VHL: variants seen among roughly 807,000 people sequenced by gnomAD.
The protein encoded by VHL is von Hippel-Lindau disease tumor suppressor.
Under a neutral mutation model 19.2 loss-of-function variants are expected in VHL, and 10 were observed. The ratio of observed to expected loss-of-function variants is 0.52; its 90% CI spans 0.32 to 0.89. The LOEUF (loss-of-function observed/expected upper bound fraction) is 0.89. VHL is among the 40% of genes least tolerant of loss of function. The pLI is 0.03. For missense variants in VHL, 328 were observed against 292.7 expected, an observed-to-expected ratio of 1.12 and a Z score of -0.88; for synonymous variants, 167 against 129.5, an observed-to-expected ratio of 1.29 and a Z score of -1.97.
chr3:10,153,354 G>A lies in VHL; in HGVS notation c.*3389G>A, dbSNP rs368247150. Reference sequence around the variant, plus strand: ...TGAGGCAGGCGAATCTCTTGAACCCGGGAGGCGGAGGTTGCAGTGAGCCAA... The same window carrying A: ...TGAGGCAGGCGAATCTCTTGAACCCAGGAGGCGGAGGTTGCAGTGAGCCAA... On this transcript the variant is annotated 3_prime_UTR_variant, in exon 3 of 3. Coordinates refer to ENST00000256474, the MANE Select transcript of VHL (RefSeq NM_000551.4). 7.3e-4 allele frequency among the ~76,000 whole-genome samples: 111 copies of A among 151,918 alleles called. 1 individual carries two copies. Among genetic ancestry groups the A allele is most frequent in the African/African-American group, 2.2e-3 (91 of 41,466 alleles).
At chr3:10,144,337 G>A (rs1696201269) in intron 1 of VHL, among the ~76,000 whole-genome samples, 1 of 151,634 alleles carries the variant, frequency 6.6e-6, no homozygotes, top group Non-Finnish European at 1.5e-5. Flanking sequence ...AAAATTAGCA[G>A]GGCACATTCC....
At position 10,149,935 on chromosome 3, in the gene VHL, G is replaced by C. The variant is rs747805018; in HGVS notation, c.612G>C (p.Glu204Asp). 6.2e-7 allele frequency: 1 copy of C among 1,614,138 alleles called. No homozygotes were observed. Among genetic ancestry groups the C allele is most frequent in the Non-Finnish European group, 8.5e-7 (1 of 1,180,014 alleles). Residue 204 changes from glutamate (E) to aspartate (D), a missense_variant, in exon 3 of 3, where the codon GAG becomes GAC. By Grantham distance (45) the Glu-to-Asp change is conservative. Transcript: ENST00000256474. ...VQKDLERLTQERIAHQRMGD is the reference protein window; with the variant it reads ...VQKDLERLTQDRIAHQRMGD Reference sequence around the variant, plus strand: ...AAGACCTGGAGCGGCTGACACAGGAGCGCATTGCACATCAACGGATGGGAG... The same window carrying C: ...AAGACCTGGAGCGGCTGACACAGGACCGCATTGCACATCAACGGATGGGAG...
chr3:10,149,718 A>C (rs1204344078), intron 2 of VHL, 69 bp from the exon 3 acceptor site: 12 of 1,390,978 alleles, frequency 8.6e-6, no homozygotes, highest in Non-Finnish European at 1.2e-5. Flanking sequence ...GTTGTTGGCA[A>C]AGCCTCTTGT....
intron 2 of VHL, among the ~76,000 whole-genome samples, chr3:10,147,664 CTGTTT>C (rs1696296034): frequency 6.6e-6 from 1 of 151,248 alleles, no homozygotes; most frequent in African/African-American, 2.4e-5. Context: ...TGCGTCCAGC[CTGTTT>C]TTTTTTTTTT....
rs199926195 is a variant in VHL, at chr3:10,149,936, C to T, written c.613C>T (p.Arg205Cys). The T allele has an allele frequency of 1.1e-5, 17 of 1,614,098 alleles. No individual in the cohort carries two copies. Among genetic ancestry groups the T allele is most frequent in the African/African-American group, 9.3e-5 (7 of 75,042 alleles). The change falls in exon 3 of 3, where the codon CGC becomes TGC. Residue 205 changes from arginine (R) to cysteine (C), a missense_variant. Arg to Cys is a radical substitution (Grantham distance 180, BLOSUM62 -3). Coordinates refer to ENST00000256474, the MANE Select transcript of VHL (RefSeq NM_000551.4). ...AGACCTGGAGCGGCTGACACAGGAGCGCATTGCACATCAACGGATGGGAGA... is the reference window on the plus strand; with the variant it reads ...AGACCTGGAGCGGCTGACACAGGAGTGCATTGCACATCAACGGATGGGAGA... ...QKDLERLTQE[R>C]IAHQRMGD
rs1696160690 is a variant in VHL at position 10,142,872 on chromosome 3, T to A, written c.340+685T>A. 1 of 152,442 alleles carries A rather than the reference T, an allele frequency of 6.6e-6. No individual in the cohort carries two copies. The highest frequency in any genetic ancestry group is 1.5e-5 in the Non-Finnish European group (1 of 68,272). The allele number at this position is 152,442 out of a possible 1,614,324, so 9.4% of individuals were successfully genotyped here. On this transcript the variant is annotated intron_variant, in intron 1 of 2. Transcript: ENST00000256474. The stretch of plus-strand genomic sequence containing the variant: ...AGACAGGAACAAGCCAGGGTCATGT[T>A]GGCGCCGGAAGAGCCGACCGTGTGT...
rs1160699580 is a variant in VHL at position 10,150,355 on chromosome 3, C to G, written c.*390C>G. ...GATGTATAATACATCCATTCTACAT[C>G]CGTAGCGGTTGGTGACTTGTCTGCC... On this transcript the variant is annotated 3_prime_UTR_variant, in exon 3 of 3. Transcript: ENST00000256474. 1 of 1,230,312 alleles carries G rather than the reference C, an allele frequency of 8.1e-7. No homozygotes were observed. The highest frequency in any genetic ancestry group is 3.7e-5 in the East Asian group (1 of 26,806). 76.2% of individuals were successfully genotyped at this position (1,230,312 alleles called of 1,614,324 possible).
rs749091984 is a variant in VHL, at chr3:10,142,122, A to T, written c.275A>T (p.Asp92Val). Residue 92 changes from aspartate to valine, a missense_variant, in exon 1 of 3, where the codon GAC becomes GTC. Physicochemically the swap from Asp to Val is radical, Grantham distance 152. Transcript: ENST00000256474. The part of the protein sequence containing the change: ...RVVLPVWLNF[D>V]GEPQPYPTLP... ...GTGCTGCCCGTATGGCTCAACTTCG[A>T]CGGCGAGCCGCAGCCCTACCCAACG... 39 of 1,600,680 alleles carry T rather than the reference A, an allele frequency of 2.4e-5. No individual in the cohort carries two copies. Among genetic ancestry groups the T allele is most frequent in the Non-Finnish European group, 3.2e-5 (38 of 1,179,598 alleles).
chr3:10,146,930 C>G (rs893514720), intron 2 of VHL, among the ~76,000 whole-genome samples: 1 of 152,150 alleles, frequency 6.6e-6, no homozygotes, highest in African/African-American at 2.4e-5. Context: ...CCTTTTGTTT[C>G]CCTGGCCAAA....
intron 1 of VHL, 56 bp downstream of exon 1, chr3:10,142,243 C>T: frequency 1.9e-6 from 3 of 1,547,854 alleles, no homozygotes; most frequent in South Asian, 1.2e-5. Context: ...GGTCTGAAGC[C>T]CCTCTACCGC....
Position 10,141,851 on chromosome 3 carries a change from C to G in VHL, c.4C>G (p.Pro2Ala), listed in dbSNP as rs1034974221. ...GGTGGTCTGGATCGCGGAGGGAATG[C>G]CCCGGAGGGCGGAGAACTGGGACGA... M[P>A]RRAENWDEAE... The change falls in exon 1 of 3, where the codon CCC becomes GCC. Residue 2 changes from proline to alanine, a missense_variant. Physicochemically the swap from Pro to Ala is conservative, Grantham distance 27 (BLOSUM62 -1). Coordinates refer to ENST00000256474, the MANE Select transcript of VHL (RefSeq NM_000551.4). The G allele has an allele frequency of 1.3e-6, 2 of 1,535,324 alleles. No homozygotes were observed. Among genetic ancestry groups the G allele is most frequent in the African/African-American group, 1.4e-5 (1 of 72,334 alleles).
intron 1 of VHL, among the ~76,000 whole-genome samples, chr3:10,146,285 T>C (rs890150665): frequency 6.6e-6 from 1 of 150,842 alleles, no homozygotes; most frequent in Admixed American, 6.7e-5. Context: ...ACCATTCTCC[T>C]GCCTCAGCCT....
rs1475710886 is a variant in VHL, at chr3:10,148,375, C to T, written c.464-1412C>T. ...TGTCGCCCAGGCTGGAGTGCAGTGG[C>T]GGGATCTCGGCTCACTGCAAGCTCC... On this transcript the variant is annotated intron_variant, in intron 2 of 2. Transcript: ENST00000256474. 2.2e-4 allele frequency among the ~76,000 whole-genome samples: 30 copies of T among 138,202 alleles called. No individual in the cohort carries two copies. The South Asian group carries it at 2.9e-3, about 14-fold the overall frequency. The allele number at this position is 138,202 out of a possible 152,430, so 90.7% of individuals were successfully genotyped here.
At chr3:10,146,836 A>G (rs1696272564) in intron 2 of VHL, among the ~76,000 whole-genome samples, 200 bp downstream of exon 2, 2 of 152,168 alleles carry the variant, frequency 1.3e-5, no homozygotes, top group South Asian at 4.1e-4. Context: ...TGGTGTCTCA[A>G]AAGCACTTTG....
chr3:10,148,171 G>A lies in VHL; in HGVS notation c.463+1535G>A, dbSNP rs145007067. On this transcript the variant is annotated intron_variant, in intron 2 of 2. Transcript: ENST00000256474. The stretch of plus-strand genomic sequence containing the variant: ...GGATTCAAACTACTATGTGTGTATA[G>A]ATCCTGTTTTAAGGAAGTAGATATA... Among the ~76,000 whole-genome samples, 14 of 152,046 alleles carry A rather than the reference G, an allele frequency of 9.2e-5. No homozygotes were observed. In the East Asian group the frequency reaches 2.7e-3, roughly 29 times the overall value.
At chr3:10,144,402 G>C (rs1054221438) in intron 1 of VHL, among the ~76,000 whole-genome samples, 2 of 152,076 alleles carry the variant, frequency 1.3e-5, no homozygotes, top group Admixed American at 6.6e-5. Flanking sequence ...CCCGAACCCA[G>C]GAGTTGGAGG....
At position 10,149,894 on chromosome 3, in the gene VHL, C is replaced by G. The variant is rs28940301; in HGVS notation, c.571C>G (p.His191Asp). Residue 191 changes from histidine (H) to aspartate (D), a missense_variant, in exon 3 of 3, where the codon CAC becomes GAC. Physicochemically the swap from His to Asp is moderately conservative, Grantham distance 81 (BLOSUM62 -1). Coordinates refer to ENST00000256474, the MANE Select transcript of VHL (RefSeq NM_000551.4). ...GTCGCTCTACGAAGATCTGGAAGAC[C>G]ACCCAAATGTGCAGAAAGACCTGGA... ...VRSLYEDLED[H>D]PNVQKDLERL... 6.2e-7 allele frequency: 1 copy of G among 1,614,166 alleles called. No individual in the cohort carries two copies. Among genetic ancestry groups the G allele is most frequent in the Non-Finnish European group, 8.5e-7 (1 of 1,180,028 alleles).
chr3:10,148,637 T>A (rs1358636481), intron 2 of VHL, among the ~76,000 whole-genome samples: 1 of 150,772 alleles, frequency 6.6e-6, no homozygotes, highest in Non-Finnish European at 1.5e-5. Context: ...TACACATTGT[T>A]TTGGTTATGT....
Position 10,152,609 on chromosome 3 carries a change from C to T in VHL, c.*2644C>T, listed in dbSNP as rs749691948. Among the ~76,000 whole-genome samples the T allele has an allele frequency of 2.0e-5, 3 of 148,092 alleles. No homozygotes were observed. Among genetic ancestry groups the T allele is most frequent in the Non-Finnish European group, 4.5e-5 (3 of 67,256 alleles). On this transcript the variant is annotated 3_prime_UTR_variant, in exon 3 of 3. Coordinates refer to ENST00000256474, the MANE Select transcript of VHL (RefSeq NM_000551.4). The stretch of plus-strand genomic sequence containing the variant: ...CCGAGTTCAAGTGATTCTCCTGGCT[C>T]ACCCTCCTGAGTAGCTGGGATTACA...
Sources: allele counts gnomAD v4.1 joint callset (sites outside exome capture counted in the v4.1 genomes callset), GRCh38; gene constraint gnomAD v4.1.1; transcripts MANE v1.5; gene names NCBI Gene and HGNC (gene_info 2026-07-23, HGNC 2026-07-21).